Variants in RAD17 observed in about 807,000 individuals in gnomAD.
RAD17 encodes RAD17 checkpoint clamp loader component, also known as cell cycle checkpoint protein RAD17.
A neutral mutation model predicts 81.5 loss-of-function variants in RAD17; 31 were observed. That is an observed-to-expected ratio of 0.38 (90% CI 0.29 to 0.51). RAD17 has a LOEUF of 0.51. RAD17 is among the 20% of genes least tolerant of loss of function. RAD17 has a pLI of 0.88. For missense variants in RAD17, 681 were observed against 781.2 expected, an observed-to-expected ratio of 0.87 and a Z score of 1.53; for synonymous variants, 261 against 266.2, an observed-to-expected ratio of 0.98 and a Z score of 0.19.
At chr5:69,399,372 T>G (rs1167536362) in intron 16 of RAD17, among the ~76,000 whole-genome samples, 3 of 152,226 alleles carry the variant, frequency 2.0e-5, no homozygotes, top group Admixed American at 6.5e-5. Flanking sequence ...TGTCCCCAGC[T>G]GGTTCATTCA....
chr5:69,395,227 A>G (rs1023932607), intron 15 of RAD17, among the ~76,000 whole-genome samples: 4 of 152,170 alleles, frequency 2.6e-5, no homozygotes, highest in African/African-American at 4.8e-5. Context: ...GGATAGTACA[A>G]TGAGCCAGGA....
chr5:69,377,572 C>T (rs372745852), intron 6 of RAD17, among the ~76,000 whole-genome samples: 148 of 3,958 alleles, frequency 0.037, 43 homozygotes, highest in African/African-American at 0.1. Flanking sequence ...TATATATATG[C>T]ATATATATGT....
At chr5:69,390,102 G>C (rs1764456634) in intron 12 of RAD17, among the ~76,000 whole-genome samples, 1 of 152,278 alleles carries the variant, frequency 6.6e-6, no homozygotes, top group African/African-American at 2.4e-5. Context: ...CATTTTTACT[G>C]TAATGGTCAT....
At chr5:69,383,443 G>A (rs1353045804) in intron 7 of RAD17, among the ~76,000 whole-genome samples, 2 of 151,434 alleles carry the variant, frequency 1.3e-5, no homozygotes, top group Non-Finnish European at 2.9e-5. Context: ...GGAGTGCAGT[G>A]GTTTGTCTCA....
In RAD17 at chr5:69,388,624, AT is replaced by A. The variant is rs899076886; in HGVS notation, c.895-400del. Among the ~76,000 whole-genome samples the A allele has an allele frequency of 3.4e-3, 506 of 150,754 alleles. 2 individuals are homozygous for A. Among genetic ancestry groups the A allele is most frequent in the African/African-American group, 0.012 (489 of 41,128 alleles). On this transcript the variant is annotated intron_variant, in intron 11 of 18. Transcript: ENST00000354868. The stretch of plus-strand genomic sequence containing the variant: ...AGTTTTTTATTACTATTTTAAGATA[AT>A]TTTTTTTTTCTGGCTCTATTGCCCA...
intron 13 of RAD17, 193 bp from the exon 14 acceptor site, chr5:69,392,962 T>A: frequency 1.9e-6 from 1 of 531,370 alleles, no homozygotes; most frequent in South Asian, 2.8e-5. Context: ...GCATCAGAAT[T>A]GTTAATTTAG....
intron 13 of RAD17, chr5:69,392,849 G>T: frequency 2.1e-6 from 1 of 465,544 alleles, no homozygotes; most frequent in Non-Finnish European, 4.1e-6. Flanking sequence ...CCACTGTATT[G>T]AGATGAGAAA....
At chr5:69,387,891 T>A (rs1224076207) in intron 11 of RAD17, among the ~76,000 whole-genome samples, 1 of 151,966 alleles carries the variant, frequency 6.6e-6, no homozygotes, top group Non-Finnish European at 1.5e-5. Context: ...CTGGGCATGG[T>A]GGTGTGCTCC....
At chr5:69,407,995 T>C (rs1302409708) in intron 17 of RAD17, among the ~76,000 whole-genome samples, 1 of 152,212 alleles carries the variant, frequency 6.6e-6, no homozygotes, top group African/African-American at 2.4e-5. Flanking sequence ...TGATGCTCTT[T>C]TTCATGAGAC....
At chr5:69,380,771 C>CTT (rs57357599) in intron 6 of RAD17, among the ~76,000 whole-genome samples, 2 of 141,672 alleles carry the variant, frequency 1.4e-5, no homozygotes, top group Admixed American at 7.1e-5. Context: ...CTTTTTTTTC[C>CTT]TTTTTTTTTT....
At chr5:69,377,417 A>ATT (rs1245869352) in intron 6 of RAD17, among the ~76,000 whole-genome samples, 1 of 64,016 alleles carries the variant, frequency 1.6e-5, no homozygotes, top group East Asian at 4.3e-4. Flanking sequence ...AAACTTAGGT[A>ATT]TATGTGTGTG....
At chr5:69,386,018 ATTAT>A (rs1764192098) in intron 8 of RAD17, 21 bp from the exon 9 acceptor site, 3 of 1,511,056 alleles carry the variant, frequency 2.0e-6, no homozygotes, top group Non-Finnish European at 2.7e-6. Context: ...AAACTATACT[ATTAT>A]TTATTTTTTA....
intron 6 of RAD17, among the ~76,000 whole-genome samples, chr5:69,381,544 C>T (rs941863312): frequency 2.0e-5 from 3 of 151,672 alleles, no homozygotes; most frequent in Non-Finnish European, 2.9e-5. Context: ...TTTCAGACAT[C>T]ACCTCCCTAA....
chr5:69,376,768 T>TC (rs927012508), intron 6 of RAD17, among the ~76,000 whole-genome samples: 42 of 151,644 alleles, frequency 2.8e-4, no homozygotes, highest in Non-Finnish European at 4.9e-4. Flanking sequence ...CTCTCTTTTT[T>TC]TTTTCTCGAG....
chr5:69,380,508 CAT>C (rs962308265), intron 6 of RAD17, among the ~76,000 whole-genome samples: 1 of 152,172 alleles, frequency 6.6e-6, no homozygotes, highest in Admixed American at 6.5e-5. Flanking sequence ...AGTTTGAACT[CAT>C]GGTGAACAGC....
At position 69,386,191 on chromosome 5, in the gene RAD17, G is replaced by C. The variant is rs1257408067; in HGVS notation, c.710G>C (p.Arg237Thr). 6.2e-7 allele frequency: 1 copy of C among 1,605,026 alleles called. No individual in the cohort carries two copies. The highest frequency in any genetic ancestry group is 8.5e-7 in the Non-Finnish European group (1 of 1,175,342). ...TTTTGTTATTTTAGGAAGTATGTGA[G>C]GATTGGTCGATGTCCTCTTATATTT... ...TLHEVLRKYV[R>T]IGRCPLIFII... Residue 237 changes from arginine to threonine, a missense_variant, in exon 10 of 19, where the codon AGG becomes ACG. By Grantham distance (71) the Arg-to-Thr change is moderately conservative (BLOSUM62 -1). Transcript: ENST00000354868.
chr5:69,399,997 A>C (rs1765157171), intron 16 of RAD17, 52 bp from the exon 17 acceptor site: 2 of 1,248,478 alleles, frequency 1.6e-6, no homozygotes, highest in East Asian at 5.4e-5. Context: ...CTAGGAATAC[A>C]TATTTTTAAT....
intron 4 of RAD17, 118 bp from the exon 5 acceptor site, chr5:69,373,712 T>TAGTTTTAAAGGTTATAAATATATGAATA: frequency 1.1e-5 from 4 of 373,564 alleles, no homozygotes; most frequent in South Asian, 5.6e-5. Flanking sequence ...TTTTTTTTTT[T>TAGTTTTAAAGGTTATAAATATATGAATA]TTTTAAGTTT....
At position 69,394,077 on chromosome 5, in the gene RAD17, C is replaced by T. The variant is rs190866840; in HGVS notation, c.1422+577C>T. On this transcript the variant is annotated intron_variant, in intron 15 of 18. Transcript: ENST00000354868. ...GCTTATTTTTTTTTTTTTTTCGAGA[C>T]AGCGTCTTACTTTTTTGCCCACGCT... is the stretch of plus-strand genomic sequence containing the variant. Among the ~76,000 whole-genome samples the T allele has an allele frequency of 4.8e-3, 637 of 133,198 alleles. 7 individuals are homozygous for T. The highest frequency in any genetic ancestry group is 0.018 in the African/African-American group (621 of 35,146). 87.4% of individuals were successfully genotyped at this position (133,198 alleles called of 152,430 possible).
Sources: allele counts gnomAD v4.1 joint callset (sites outside exome capture counted in the v4.1 genomes callset), GRCh38; gene constraint gnomAD v4.1.1; transcripts MANE v1.5; gene names NCBI Gene and HGNC (gene_info 2026-07-23, HGNC 2026-07-21).